The following SCEL variants were observed in gnomAD, a reference collection of about 807,000 sequenced individuals.
SCEL encodes sciellin.
Under a neutral mutation model 117.6 loss-of-function variants are expected in SCEL, and 113 were observed. The observed-to-expected ratio is 0.96, with a 90% CI of 0.83 to 1.12. SCEL has a LOEUF of 1.12. SCEL is among the 50% of genes most tolerant of loss of function. The pLI is 0.00. For missense variants in SCEL, 785 were observed against 810.8 expected, an observed-to-expected ratio of 0.97 and a Z score of 0.39; for synonymous variants, 270 against 256.2, an observed-to-expected ratio of 1.05 and a Z score of -0.51.
At chr13:77,572,520 G>T (rs914431747) in intron 9 of SCEL, among the ~76,000 whole-genome samples, 4 of 152,186 alleles carry the variant, frequency 2.6e-5, no homozygotes, top group Non-Finnish European at 5.9e-5. Context: ...ATTGTCTCAT[G>T]GTTTTAGAGG....
intron 9 of SCEL, among the ~76,000 whole-genome samples, chr13:77,584,812 A>G (rs2086470202): frequency 6.6e-6 from 1 of 152,356 alleles, no homozygotes; most frequent in East Asian, 1.9e-4. Context: ...CAGATACACT[A>G]AAGACTGTAT....
intron 28 of SCEL, among the ~76,000 whole-genome samples, 144 bp from the exon 29 acceptor site, chr13:77,634,220 GCAGTGCTGTGTTAAT>G (rs2090166146): frequency 6.6e-6 from 1 of 152,180 alleles, no homozygotes; most frequent in Non-Finnish European, 1.5e-5. Flanking sequence ...AAAAATTTTT[GCAGTGCTGTGTTAAT>G]ACCACTCTAA....
intron 12 of SCEL, among the ~76,000 whole-genome samples, chr13:77,595,686 C>G (rs778641280): frequency 2.0e-5 from 3 of 152,138 alleles, no homozygotes; most frequent in Non-Finnish European, 2.9e-5. Flanking sequence ...GGTAGAATAT[C>G]AAGCAAGAAA....
intron 20 of SCEL, 58 bp downstream of exon 20, chr13:77,608,173 G>C: frequency 7.4e-7 from 1 of 1,357,490 alleles, no homozygotes; most frequent in Non-Finnish European, 1.0e-6. Context: ...GTGGCACTCA[G>C]GAAAGAAGAT....
intron 28 of SCEL, among the ~76,000 whole-genome samples, chr13:77,631,370 C>A (rs1322933266): frequency 6.6e-6 from 1 of 152,162 alleles, no homozygotes; most frequent in South Asian, 2.1e-4. Context: ...CAGACTATCA[C>A]AGACCCTAGG....
intron 1 of SCEL, among the ~76,000 whole-genome samples, chr13:77,546,824 TTCCTGC>T (rs1187704041): frequency 2.4e-4 from 36 of 152,268 alleles, no homozygotes; most frequent in African/African-American, 8.4e-4. Context: ...CCCTTCTAAC[TTCCTGC>T]TCTGCTATTT....
At chr13:77,570,252 A>G (rs908370928) in intron 8 of SCEL, among the ~76,000 whole-genome samples, 1 of 152,220 alleles carries the variant, frequency 6.6e-6, no homozygotes, top group African/African-American at 2.4e-5. Context: ...TTCCTTCAAC[A>G]AAATTCTGGC....
chr13:77,583,176 T>C (rs1455924553), intron 9 of SCEL, among the ~76,000 whole-genome samples: 1 of 152,230 alleles, frequency 6.6e-6, no homozygotes, highest in Non-Finnish European at 1.5e-5. Flanking sequence ...CCACCCTCCC[T>C]TATTCATGTA....
chr13:77,621,453 C>G (rs773233043), intron 27 of SCEL, among the ~76,000 whole-genome samples: 10 of 152,196 alleles, frequency 6.6e-5, no homozygotes, highest in Non-Finnish European at 1.3e-4. Context: ...GTGTCTCTCA[C>G]TCAGGCTCTG....
intron 27 of SCEL, among the ~76,000 whole-genome samples, chr13:77,624,067 C>G (rs1428748429): frequency 6.6e-6 from 1 of 151,048 alleles, no homozygotes; most frequent in Non-Finnish European, 1.5e-5. Context: ...TGTGCCAGGC[C>G]TCTCTCCTTG....
chr13:77,610,221 G>A, intron 22 of SCEL, 115 bp downstream of exon 22: 1 of 583,328 alleles, frequency 1.7e-6, no homozygotes, highest in South Asian at 3.0e-5. Flanking sequence ...AGGAGGCCGA[G>A]GCGGGAGGAT....
intron 28 of SCEL, 86 bp from the exon 29 acceptor site, chr13:77,634,293 A>C: frequency 1.9e-6 from 2 of 1,071,862 alleles, no homozygotes; most frequent in Non-Finnish European, 1.4e-6. Context: ...TATTCATTAC[A>C]TTTTGCATTG....
intron 15 of SCEL, among the ~76,000 whole-genome samples, chr13:77,601,166 G>C (rs978467493): frequency 1.3e-5 from 2 of 150,864 alleles, no homozygotes; most frequent in African/African-American, 4.9e-5. Context: ...AATAGATGAG[G>C]TTCCAGATAT....
chr13:77,568,170 A>T, intron 6 of SCEL, 125 bp from the exon 7 acceptor site: 8 of 638,636 alleles, frequency 1.3e-5, no homozygotes. Context: ...TTAAAATATG[A>T]TGCTTTCTAT....
At position 77,627,933 on chromosome 13, in the gene SCEL, AT is replaced by A. The variant is rs772785289; in HGVS notation, c.1629-7del. On this transcript the variant is annotated splice_polypyrimidine_tract_variant and intron_variant, in intron 27 of 32. Coordinates refer to ENST00000349847, the MANE Select transcript of SCEL (RefSeq NM_144777.3). ...ATGTTGTAATTATTCATATATATAT[AT>A]TTTTTTCCTTAGAGACCAGAACCTG... is the stretch of plus-strand genomic sequence containing the variant. 1.5e-5 allele frequency: 18 copies of A among 1,198,040 alleles called. No individual in the cohort carries two copies. Among genetic ancestry groups the A allele is most frequent in the South Asian group, 3.0e-5 (2 of 67,114 alleles). 74.2% of individuals were successfully genotyped at this position (1,198,040 alleles called of 1,614,324 possible).
In SCEL at chr13:77,603,099, C is replaced by T; in HGVS notation, c.1061C>T (p.Thr354Ile). 1 of 1,560,922 alleles carries T rather than the reference C, an allele frequency of 6.4e-7. No homozygotes were observed. The highest frequency in any genetic ancestry group is 1.2e-5 in the South Asian group (1 of 83,918). Residue 354 changes from threonine to isoleucine, a missense_variant, in exon 18 of 33, where the codon ACT (threonine) becomes ATT (isoleucine). Thr to Ile is a moderately conservative substitution (Grantham distance 89). Coordinates refer to ENST00000349847, the MANE Select transcript of SCEL (RefSeq NM_144777.3). ...AGAAGTGAAGACCTTGATAATGCTACTGAAGTAAATCCCAAAGGACATGAA... is the reference window on the plus strand; with the variant it reads ...AGAAGTGAAGACCTTGATAATGCTATTGAAGTAAATCCCAAAGGACATGAA... ...SRRSEDLDNATEVNPKGHENT... is the reference protein window; with the variant it reads ...SRRSEDLDNAIEVNPKGHENT...
chr13:77,633,446 A>AAAAAAAAAAAAAAAAAAAAAAAAAAAC, intron 28 of SCEL, among the ~76,000 whole-genome samples: 1 of 128,002 alleles, frequency 7.8e-6, no homozygotes, highest in African/African-American at 3.9e-5. Flanking sequence ...CCGCCTCAAA[A>AAAAAAAAAAAAAAAAAAAAAAAAAAAC]AAAAAAAAAA....
At chr13:77,556,057 A>C (rs1202765384) in intron 2 of SCEL, 139 bp downstream of exon 2, 3 of 533,922 alleles carry the variant, frequency 5.6e-6, no homozygotes, top group Admixed American at 6.5e-5. Context: ...AGTTAGGCTT[A>C]AGAAAAAGTA....
chr13:77,644,144 A>G, intron 32 of SCEL, 114 bp from the exon 33 acceptor site: 1 of 1,150,318 alleles, frequency 8.7e-7, no homozygotes, highest in South Asian at 1.3e-5. Context: ...AAGTGGAAGG[A>G]AAAGTGGAAT....
Sources: gnomAD v4.1 joint callset for allele counts (sites outside exome capture counted in the v4.1 genomes callset) on GRCh38, gnomAD v4.1.1 for gene constraint, MANE v1.5 for transcripts, NCBI Gene and HGNC (gene_info 2026-07-23, HGNC 2026-07-21) for gene names.